Variants in PPP1R9A observed in about 807,000 individuals in gnomAD.
The protein encoded by PPP1R9A is protein phosphatase 1 regulatory subunit 9A.
PPP1R9A carries 59 observed loss-of-function variants against 141.9 expected under a neutral mutation model. That is an observed-to-expected ratio of 0.42 (90% CI 0.34 to 0.52). The LOEUF (loss-of-function observed/expected upper bound fraction) is 0.52, where lower values mean the gene tolerates loss of function less well. Ranked by LOEUF, PPP1R9A falls within the 20% of genes least tolerant of loss-of-function variation. The pLI, the probability that PPP1R9A is intolerant of heterozygous loss-of-function variation, is 0.10. For synonymous variants in PPP1R9A, 500 were observed against 569.7 expected (o/e 0.88, Z 1.74); for missense variants, 1,444 against 1,611.9 (o/e 0.90, Z 1.78).
chr7:94,999,785 ATTT>A (rs1230005032), intron 2 of PPP1R9A, among the ~76,000 whole-genome samples: 6 of 142,196 alleles, frequency 4.2e-5, no homozygotes, highest in African/African-American at 1.6e-4. Context: ...TATTTTATTT[ATTT>A]ATTTATTTAT....
intron 3 of PPP1R9A, among the ~76,000 whole-genome samples, chr7:95,118,495 A>T (rs1821913961): frequency 6.6e-6 from 1 of 152,196 alleles, no homozygotes; most frequent in Non-Finnish European, 1.5e-5. Flanking sequence ...TCCAGGGGAA[A>T]CACTGTAAAG....
intron 2 of PPP1R9A, among the ~76,000 whole-genome samples, chr7:94,996,895 C>G (rs377502920): frequency 1.3e-5 from 2 of 151,288 alleles, no homozygotes; most frequent in South Asian, 4.2e-4. Flanking sequence ...CTCCACCTCC[C>G]AGGTTCAAGC....
intron 5 of PPP1R9A, among the ~76,000 whole-genome samples, chr7:95,181,415 T>G (rs1271442744): frequency 8.3e-5 from 11 of 133,256 alleles, no homozygotes; most frequent in Non-Finnish European, 1.2e-4. Flanking sequence ...CCATCATATA[T>G]ATAGAATATA....
At chr7:94,976,373 GCT>G in intron 2 of PPP1R9A, among the ~76,000 whole-genome samples, 1 of 135,674 alleles carries the variant, frequency 7.4e-6, no homozygotes, top group Admixed American at 8.1e-5. Flanking sequence ...ATGAAGTCTC[GCT>G]CTGTCACCCA....
intron 2 of PPP1R9A, among the ~76,000 whole-genome samples, chr7:95,017,738 G>A (rs954242598): frequency 2.0e-5 from 3 of 152,076 alleles, no homozygotes; most frequent in African/African-American, 4.8e-5. Context: ...ACACATTTTG[G>A]TATGATGAAA....
intron 2 of PPP1R9A, among the ~76,000 whole-genome samples, chr7:95,101,230 C>A (rs1818758337): frequency 6.6e-6 from 1 of 152,034 alleles, no homozygotes; most frequent in Non-Finnish European, 1.5e-5. Flanking sequence ...TCTCTTGGCC[C>A]CAAATCTTGT....
chr7:94,930,068 A>G (rs1470141484), intron 2 of PPP1R9A, among the ~76,000 whole-genome samples: 1 of 152,176 alleles, frequency 6.6e-6, no homozygotes, highest in Non-Finnish European at 1.5e-5. Flanking sequence ...ATTGTCTTTG[A>G]TCCAATAGTT....
intron 5 of PPP1R9A, among the ~76,000 whole-genome samples, chr7:95,197,258 A>C (rs1836417908): frequency 6.6e-6 from 1 of 152,204 alleles, no homozygotes; most frequent in African/African-American, 2.4e-5. Context: ...ACTGCATCCT[A>C]GAGACACATT....
chr7:94,976,708 T>C (rs1799489611), intron 2 of PPP1R9A, among the ~76,000 whole-genome samples: 1 of 152,196 alleles, frequency 6.6e-6, no homozygotes, highest in Non-Finnish European at 1.5e-5. Flanking sequence ...CTGTTTTAAC[T>C]TCAGCCTCAG....
chr7:95,287,069 A>G (rs780353326), intron 18 of PPP1R9A: 1 of 1,583,954 alleles, frequency 6.3e-7, no homozygotes, highest in East Asian at 2.2e-5. Flanking sequence ...CTGTTTCTGT[A>G]ACACTTTTCT....
intron 9 of PPP1R9A, 145 bp from the exon 10 acceptor site, chr7:95,249,881 A>G: frequency 8.4e-7 from 1 of 1,192,464 alleles, no homozygotes; most frequent in Non-Finnish European, 1.1e-6. Flanking sequence ...TGGAATTATA[A>G]AAATAATACC....
chr7:95,265,928 G>T (rs1479764038), intron 12 of PPP1R9A, among the ~76,000 whole-genome samples: 1 of 152,136 alleles, frequency 6.6e-6, no homozygotes, highest in East Asian at 1.9e-4. Flanking sequence ...CAAGCAGTTT[G>T]CACCTAGTCA....
chr7:95,173,535 T>C (rs1205841777), intron 5 of PPP1R9A, among the ~76,000 whole-genome samples: 1 of 151,982 alleles, frequency 6.6e-6, no homozygotes, highest in Non-Finnish European at 1.5e-5. Context: ...TTTAAAACAT[T>C]TGTTACAAAA....
chr7:95,142,593 G>GT (rs1826900950), intron 4 of PPP1R9A, among the ~76,000 whole-genome samples: 2 of 152,078 alleles, frequency 1.3e-5, no homozygotes, highest in Admixed American at 6.6e-5. Context: ...TAGTTTTCTA[G>GT]CATCATTTTT....
chr7:94,989,945 CTT>C (rs1031113696), intron 2 of PPP1R9A, among the ~76,000 whole-genome samples: 1 of 151,914 alleles, frequency 6.6e-6, no homozygotes, highest in African/African-American at 2.4e-5. Flanking sequence ...AAAAAAGACT[CTT>C]TGTTGATCGA....
intron 8 of PPP1R9A, among the ~76,000 whole-genome samples, chr7:95,229,489 C>T (rs1288937965): frequency 6.6e-6 from 1 of 151,940 alleles, no homozygotes; most frequent in Non-Finnish European, 1.5e-5. Flanking sequence ...AGGCCTATGA[C>T]TTCCGGCTTT....
chr7:95,066,934 C>G (rs1250532697), intron 2 of PPP1R9A, among the ~76,000 whole-genome samples: 1 of 152,152 alleles, frequency 6.6e-6, no homozygotes, highest in Non-Finnish European at 1.5e-5. Context: ...ATAAGGAGAA[C>G]TTGAAAACTT....
Position 95,268,556 on chromosome 7 carries a change from A to C in PPP1R9A, c.2672A>C (p.Asn891Thr). ...TATCTTTCAATATTCTTAGACTTGA[A>C]TGAAGCAGTCCCAGAGACAGAGCGC... Reference protein sequence around the residue: ...SCQDGLSQDLNEAVPETERLD... With the variant: ...SCQDGLSQDLTEAVPETERLD... Residue 891 changes from asparagine to threonine, a missense_variant, in exon 13 of 20, where the codon AAT (asparagine) becomes ACT (threonine). Around this residue, in one of 5 missense-constraint regions of PPP1R9A, gnomAD observed 488 missense variants for 542.0 expected, o/e 0.90. Transcript: ENST00000433360. The C allele has an allele frequency of 6.2e-7, 1 of 1,613,190 alleles. No individual in the cohort carries two copies.
intron 2 of PPP1R9A, among the ~76,000 whole-genome samples, chr7:95,046,805 G>C (rs191707440): frequency 1.1e-4 from 17 of 152,210 alleles, no homozygotes; most frequent in Non-Finnish European, 2.1e-4. Context: ...ATAAAAGCTC[G>C]TGAATCCTTG....
Sources: allele counts gnomAD v4.1 joint callset (sites outside exome capture counted in the v4.1 genomes callset), GRCh38; gene constraint gnomAD v4.1.1; regional missense constraint gnomAD v4.1.1; transcripts MANE v1.5; gene names NCBI Gene and HGNC (gene_info 2026-07-23, HGNC 2026-07-21).